ARHGAP26: variants seen among roughly 807,000 people sequenced by gnomAD.
ARHGAP26 encodes Rho GTPase activating protein 26, also known as rho GTPase-activating protein 26.
ARHGAP26 carries 38 observed loss-of-function variants against 104.8 expected under a neutral mutation model. The ratio of observed to expected loss-of-function variants is 0.36; its 90% CI spans 0.28 to 0.48. ARHGAP26 has a LOEUF of 0.48. Ranked by LOEUF, ARHGAP26 falls within the 20% of genes least tolerant of loss-of-function variation. The pLI is 0.99. For missense variants in ARHGAP26, 704 were observed against 947.9 expected (o/e 0.74, Z 3.38); for synonymous variants, 341 against 340.0 (o/e 1.00, Z -0.03).
At chr5:143,093,669 CT>C (rs973015155) in intron 17 of ARHGAP26, among the ~76,000 whole-genome samples, 1 of 151,986 alleles carries the variant, frequency 6.6e-6, no homozygotes, top group African/African-American at 2.4e-5. Context: ...CTCTCTCTCT[CT>C]TTCCCCCTTT....
At chr5:142,955,312 T>A (rs1769072331) in intron 11 of ARHGAP26, among the ~76,000 whole-genome samples, 1 of 151,378 alleles carries the variant, frequency 6.6e-6, no homozygotes, top group Non-Finnish European at 1.5e-5. Flanking sequence ...AAAAAAAAAT[T>A]TTTTTTTAAA....
At position 142,981,012 on chromosome 5, in the gene ARHGAP26, G is replaced by T. The variant is rs183228341; in HGVS notation, c.1108-33068G>T. 1.2e-3 allele frequency among the ~76,000 whole-genome samples: 179 copies of T among 152,314 alleles called. 1 individual carries two copies. The highest frequency in any genetic ancestry group is 4.2e-3 in the African/African-American group (174 of 41,556). ...TATTTTCATTTCCTGGGTGAGTAAT[G>T]ATGTTTGGATATCTTTTGAGAAATA... On this transcript the variant is annotated intron_variant, in intron 11 of 22. Transcript: ENST00000645722.
chr5:143,222,276 C>T, intron 22 of ARHGAP26, 82 bp from the exon 23 acceptor site: 1 of 756,842 alleles, frequency 1.3e-6, no homozygotes, highest in Non-Finnish European at 2.0e-6. Context: ...CACACACACA[C>T]ACACACACCC....
chr5:142,845,917 C>T (rs781345610), intron 1 of ARHGAP26, among the ~76,000 whole-genome samples: 54 of 152,294 alleles, frequency 3.5e-4, no homozygotes, highest in Non-Finnish European at 6.3e-4. Context: ...TTCCATTTCC[C>T]TGCCTGCATT....
At chr5:143,216,389 T>C in intron 22 of ARHGAP26, 1 of 448,580 alleles carries the variant, frequency 2.2e-6, no homozygotes, top group Non-Finnish European at 4.6e-6. Context: ...TGGCCTCCCA[T>C]TGCTCTGAGA....
intron 21 of ARHGAP26, among the ~76,000 whole-genome samples, chr5:143,209,721 C>T (rs991827225): frequency 2.0e-4 from 30 of 151,286 alleles, no homozygotes; most frequent in Non-Finnish European, 3.5e-4. Flanking sequence ...GCAAAGTTTG[C>T]AGTGAGCCAA....
At chr5:143,179,769 GA>G (rs1373789501) in intron 20 of ARHGAP26, among the ~76,000 whole-genome samples, 3 of 152,118 alleles carry the variant, frequency 2.0e-5, no homozygotes, top group African/African-American at 7.2e-5. Context: ...TTATTGTGGG[GA>G]AAGTCCTGTG....
chr5:143,163,702 C>T (rs141216321), intron 20 of ARHGAP26, among the ~76,000 whole-genome samples: 109 of 152,206 alleles, frequency 7.2e-4, no homozygotes, highest in African/African-American at 2.6e-3. Context: ...CCATCCACCT[C>T]GGTCTCCCAA....
intron 11 of ARHGAP26, among the ~76,000 whole-genome samples, chr5:142,948,030 C>T (rs543409029): frequency 1.3e-5 from 2 of 152,164 alleles, no homozygotes; most frequent in Admixed American, 6.5e-5. Context: ...TACCTTGTGT[C>T]TTAAACAAAA....
intron 20 of ARHGAP26, chr5:143,165,116 T>G (rs1022241540): frequency 1.3e-5 from 2 of 152,240 alleles, no homozygotes; most frequent in African/African-American, 4.8e-5. Context: ...TCTTTTCCTC[T>G]GGAGAGGATA....
At chr5:142,840,443 G>T (rs948158300) in intron 1 of ARHGAP26, among the ~76,000 whole-genome samples, 25 of 152,066 alleles carry the variant, frequency 1.6e-4, no homozygotes, top group Non-Finnish European at 3.2e-4. Context: ...TGTTGTTGTT[G>T]TTTTTTGACT....
intron 17 of ARHGAP26, among the ~76,000 whole-genome samples, chr5:143,095,729 T>A (rs753421856): frequency 6.6e-6 from 1 of 152,172 alleles, no homozygotes; most frequent in Non-Finnish European, 1.5e-5. Context: ...CCCGCCACCA[T>A]GCCCAGCTAA....
intron 20 of ARHGAP26, among the ~76,000 whole-genome samples, chr5:143,177,411 A>G (rs981882195): frequency 3.3e-5 from 5 of 152,198 alleles, no homozygotes; most frequent in African/African-American, 9.7e-5. Flanking sequence ...TCCCCAGTGA[A>G]AACAGGACTC....
At chr5:143,176,036 C>T (rs1205991547) in intron 20 of ARHGAP26, among the ~76,000 whole-genome samples, 1 of 152,136 alleles carries the variant, frequency 6.6e-6, no homozygotes, top group Non-Finnish European at 1.5e-5. Flanking sequence ...ATCACTTGAA[C>T]CCAGGAGGTG....
At chr5:142,805,916 G>C (rs1036964122) in intron 1 of ARHGAP26, among the ~76,000 whole-genome samples, 4 of 152,158 alleles carry the variant, frequency 2.6e-5, no homozygotes, top group African/African-American at 9.7e-5. Context: ...AAGTAGCAAT[G>C]CTCCCCCTTC....
intron 11 of ARHGAP26, among the ~76,000 whole-genome samples, chr5:142,991,124 C>A (rs900525273): frequency 4.6e-5 from 7 of 152,204 alleles, no homozygotes; most frequent in African/African-American, 1.7e-4. Context: ...GTTCGAGCTT[C>A]CTGGCCGCTT....
chr5:143,133,675 T>G (rs1277407482), intron 18 of ARHGAP26, among the ~76,000 whole-genome samples: 1 of 152,244 alleles, frequency 6.6e-6, no homozygotes, highest in Non-Finnish European at 1.5e-5. Context: ...CACAGCTGCT[T>G]TCTTTTTCCC....
intron 17 of ARHGAP26, among the ~76,000 whole-genome samples, chr5:143,101,916 C>T (rs973659246): frequency 2.7e-5 from 4 of 150,648 alleles, no homozygotes; most frequent in African/African-American, 9.8e-5. Context: ...AAGGGGGAAG[C>T]AGCTACTATG....
intron 21 of ARHGAP26, among the ~76,000 whole-genome samples, chr5:143,208,745 T>C (rs1298773481): frequency 6.6e-6 from 1 of 152,224 alleles, no homozygotes; most frequent in African/African-American, 2.4e-5. Flanking sequence ...AGAGCCTGAC[T>C]TGCTCTTTTA....
Sources: gnomAD v4.1 joint callset for allele counts (sites outside exome capture counted in the v4.1 genomes callset) on GRCh38, gnomAD v4.1.1 for gene constraint, MANE v1.5 for transcripts, NCBI Gene and HGNC (gene_info 2026-07-23, HGNC 2026-07-21) for gene names.